Variants in TENM3 observed in about 807,000 individuals in gnomAD.
The protein encoded by TENM3 is teneurin-3.
In TENM3, 63 loss-of-function variants were observed where a neutral mutation model predicts 255.1. That is an observed-to-expected ratio of 0.25 (90% CI 0.20 to 0.30). TENM3 has a LOEUF of 0.30. Among genes scored for constraint, TENM3 ranks in the 10% least tolerant of loss-of-function variants. The probability of loss-of-function intolerance (pLI) is 1.00; values close to 1 mark genes in which losing one functional copy is unlikely to be tolerated. For synonymous variants in TENM3, 1,306 were observed against 1,322.3 expected (o/e 0.99, Z 0.27); for missense variants, 2,929 against 3,461.1 (o/e 0.85, Z 3.86).
rs1760334411 is a variant in TENM3 at position 182,727,726 on chromosome 4, A to C, written c.2369-1239A>C. ...TGATGGATTTCTTATTATTTCTAAT[A>C]TTATGGCTGATTTACATTTACCACA... On this transcript the variant is annotated intron_variant, in intron 13 of 27. Transcript: ENST00000511685. 2.0e-5 allele frequency among the ~76,000 whole-genome samples: 3 copies of C among 152,184 alleles called. 1 individual carries two copies. The South Asian group carries it at 6.2e-4, about 31-fold the overall frequency.
intron 3 of TENM3, among the ~76,000 whole-genome samples, chr4:182,409,098 G>A (rs376280354): frequency 3.3e-5 from 5 of 152,206 alleles, no homozygotes; most frequent in African/African-American, 1.2e-4. Flanking sequence ...GAAGAACAAG[G>A]CAAGAGCTAG....
chr4:181,779,032 A>G, the TENM3 span, among the ~76,000 whole-genome samples: 30,788 of 152,052 alleles, frequency 0.2, 3,348 homozygotes, highest in East Asian at 0.41. Context: ...GAAGTGAGGC[A>G]TATCCAGCTA....
In TENM3 at chr4:182,752,010, A is replaced by G. The variant is rs1374563476; in HGVS notation, c.3840A>G (p.Glu1280=). The change falls in exon 20 of 28, where the codon GAA becomes GAG. Residue 1280 remains glutamate, a synonymous_variant. Transcript: ENST00000511685. The stretch of plus-strand genomic sequence containing the variant: ...GTGGGGATGGAGGGAAGGCCGTGGA[A>G]GCCACACTCATGAGTCCCAAAGGTA... ...ARCGDGGKAV[E]ATLMSPKGMA... The G allele has an allele frequency of 6.2e-7, 1 of 1,611,160 alleles. No homozygotes were observed. Among genetic ancestry groups the G allele is most frequent in the Non-Finnish European group, 8.5e-7 (1 of 1,178,388 alleles).
intron 21 of TENM3, 60 bp downstream of exon 21, chr4:182,753,664 C>T (rs1306434748): frequency 9.8e-6 from 15 of 1,527,858 alleles, no homozygotes; most frequent in East Asian, 4.5e-5. Context: ...CTTATTCAGT[C>T]GGTAGACTAT....
chr4:182,575,307 G>C (rs1369401933), intron 3 of TENM3, among the ~76,000 whole-genome samples: 1 of 152,124 alleles, frequency 6.6e-6, no homozygotes, highest in East Asian at 1.9e-4. Flanking sequence ...ATTTTTCATT[G>C]AGAAAAGAAA....
the TENM3 span, among the ~76,000 whole-genome samples, chr4:181,570,842 A>G: frequency 1.3e-5 from 2 of 152,146 alleles, no homozygotes; most frequent in African/African-American, 4.8e-5. Context: ...GGAAAAGGGG[A>G]TGGAGCGAGA....
At chr4:182,482,277 T>C (rs1171738718) in intron 3 of TENM3, among the ~76,000 whole-genome samples, 1 of 152,198 alleles carries the variant, frequency 6.6e-6, no homozygotes, top group Non-Finnish European at 1.5e-5. Context: ...CTTTTCAATT[T>C]ATGGTTCCTT....
the TENM3 span, among the ~76,000 whole-genome samples, chr4:181,662,263 T>G: frequency 6.6e-6 from 1 of 152,220 alleles, no homozygotes; most frequent in Non-Finnish European, 1.5e-5. Flanking sequence ...GCAAGGTGTT[T>G]TTCCAGTATT....
chr4:181,925,626 A>G, the TENM3 span, among the ~76,000 whole-genome samples: 1 of 152,238 alleles, frequency 6.6e-6, no homozygotes, highest in Middle Eastern at 3.2e-3. Context: ...GGCAATTTAG[A>G]TGATGGGTTA....
the TENM3 span, among the ~76,000 whole-genome samples, chr4:182,111,865 A>G: frequency 1.3e-5 from 2 of 152,214 alleles, no homozygotes; most frequent in Non-Finnish European, 2.9e-5. Flanking sequence ...TTAACATTTA[A>G]TTCAGCTTCT....
At chr4:182,751,658 G>A (rs1762379035) in intron 19 of TENM3, 142 bp from the exon 20 acceptor site, 2 of 627,204 alleles carry the variant, frequency 3.2e-6, no homozygotes, top group Non-Finnish European at 5.7e-6. Flanking sequence ...TTATTAAATA[G>A]ACAGTACTAT....
chr4:181,624,663 A>T, the TENM3 span, among the ~76,000 whole-genome samples: 1 of 152,194 alleles, frequency 6.6e-6, no homozygotes, highest in Admixed American at 6.5e-5. Flanking sequence ...TCAGATGTGG[A>T]TTTTCTCTAT....
chr4:181,839,389 C>T, the TENM3 span, among the ~76,000 whole-genome samples: 1 of 46,192 alleles, frequency 2.2e-5, no homozygotes, highest in African/African-American at 7.9e-5. Flanking sequence ...ATATATACAC[C>T]TATATACATA....
the TENM3 span, among the ~76,000 whole-genome samples, chr4:181,523,526 C>G: frequency 1.3e-5 from 2 of 151,996 alleles, no homozygotes; most frequent in Non-Finnish European, 2.9e-5. Flanking sequence ...GCCCTCATTC[C>G]GTTGTCAAGG....
chr4:181,910,478 C>A, the TENM3 span, among the ~76,000 whole-genome samples: 7 of 148,414 alleles, frequency 4.7e-5, no homozygotes, highest in African/African-American at 1.5e-4. Flanking sequence ...GTGGAGGTTG[C>A]AATGAGCCAA....
At chr4:182,064,304 C>T in the TENM3 span, among the ~76,000 whole-genome samples, 798 of 152,144 alleles carry the variant, frequency 5.2e-3, 7 homozygotes, top group African/African-American at 0.017. Flanking sequence ...TTGGGCTGGG[C>T]GCGGTGGCTC....
At chr4:182,476,654 T>C (rs1733710507) in intron 3 of TENM3, among the ~76,000 whole-genome samples, 1 of 152,204 alleles carries the variant, frequency 6.6e-6, no homozygotes, top group Non-Finnish European at 1.5e-5. Flanking sequence ...ACTCATGCTT[T>C]CCTTAGGAGC....
chr4:181,885,075 A>G, the TENM3 span, among the ~76,000 whole-genome samples: 1 of 152,132 alleles, frequency 6.6e-6, no homozygotes, highest in Non-Finnish European at 1.5e-5. Context: ...GATCAATATA[A>G]CTATCAAATA....
At chr4:182,235,750 A>C in intron 1 of TENM3, among the ~76,000 whole-genome samples, 1 of 152,290 alleles carries the variant, frequency 6.6e-6, no homozygotes, top group South Asian at 2.1e-4. Flanking sequence ...ACTTGACCCA[A>C]TGAGATACAA....
Sources: allele counts gnomAD v4.1 joint callset (sites outside exome capture counted in the v4.1 genomes callset), GRCh38; gene constraint gnomAD v4.1.1; transcripts MANE v1.5; gene names NCBI Gene and HGNC (gene_info 2026-07-23, HGNC 2026-07-21).